HPS5: variants seen among roughly 807,000 people sequenced by gnomAD.
HPS5 encodes BLOC-2 complex member HPS5.
HPS5 carries 83 observed loss-of-function variants against 128.0 expected under a neutral mutation model. That is an observed-to-expected ratio of 0.65 (90% CI 0.54 to 0.78). The LOEUF is 0.78. Among genes scored for constraint, HPS5 ranks in the 30% least tolerant of loss-of-function variants. The probability of loss-of-function intolerance (pLI) is 0.00; values close to 1 mark genes in which losing one functional copy is unlikely to be tolerated. For synonymous variants in HPS5, 475 were observed against 470.2 expected, an observed-to-expected ratio of 1.01 and a Z score of -0.13; for missense variants, 1,281 against 1,326.2, an observed-to-expected ratio of 0.97 and a Z score of 0.53.
intron 2 of HPS5, chr11:18,314,566 C>A (rs1863395654): frequency 6.7e-6 from 1 of 148,878 alleles, no homozygotes; most frequent in African/African-American, 2.5e-5. Context: ...AATAAATAAT[C>A]CACTTGTAAC....
At chr11:18,297,067 A>G in intron 11 of HPS5, 83 bp from the exon 12 acceptor site, 1 of 875,004 alleles carries the variant, frequency 1.1e-6, no homozygotes, top group Non-Finnish European at 1.8e-6. Flanking sequence ...AGAAATACCA[A>G]CACTCAAATA....
intron 16 of HPS5, among the ~76,000 whole-genome samples, chr11:18,288,439 T>A (rs1213920878): frequency 2.0e-5 from 3 of 152,210 alleles, no homozygotes; most frequent in Admixed American, 1.3e-4. Context: ...TTAAATTCAA[T>A]GAAATTAATT....
intron 2 of HPS5, among the ~76,000 whole-genome samples, chr11:18,315,571 C>G (rs983497125): frequency 1.6e-4 from 25 of 151,704 alleles, no homozygotes; most frequent in African/African-American, 6.1e-4. Context: ...CAAGATCGTG[C>G]CACTGCACTC....
At chr11:18,317,672 C>T (rs1863806313) in intron 2 of HPS5, 79 bp downstream of exon 2, 5 of 1,374,482 alleles carry the variant, frequency 3.6e-6, no homozygotes, top group East Asian at 2.4e-5. Context: ...TTCCACAAAA[C>T]GTTAAGGAAC....
chr11:18,306,924 T>C (rs988743914), intron 6 of HPS5, among the ~76,000 whole-genome samples: 1 of 152,198 alleles, frequency 6.6e-6, no homozygotes, highest in Admixed American at 6.5e-5. Flanking sequence ...CGGAAGGTGA[T>C]AATGATGAGG....
chr11:18,296,140 G>GA lies in HPS5; in HGVS notation c.1511-19dup, dbSNP rs1298558353. The stretch of plus-strand genomic sequence containing the variant: ...AACATTGTCTAATGAATGGAATCAG[G>GA]AAAAAAAGAAACAAAATCTAATCAC... On this transcript the variant is annotated intron_variant, in intron 12 of 22. Coordinates refer to ENST00000349215, the MANE Select transcript of HPS5 (RefSeq NM_181507.2). 2.5e-6 allele frequency: 4 copies of GA among 1,609,240 alleles called. No individual in the cohort carries two copies. In the African/African-American group the frequency reaches 5.4e-5, roughly 22 times the overall value.
chr11:18,300,720 A>G, intron 9 of HPS5, 108 bp downstream of exon 9: 1 of 536,724 alleles, frequency 1.9e-6, no homozygotes, highest in South Asian at 2.0e-5. Flanking sequence ...AAAAAAAAAA[A>G]GTCATCCCAT....
At position 18,279,745 on chromosome 11, in the gene HPS5, C is replaced by T. The variant is rs934873764; in HGVS notation, c.*137G>A. On this transcript the variant is annotated 3_prime_UTR_variant, in exon 23 of 23. Coordinates refer to ENST00000349215, the MANE Select transcript of HPS5 (RefSeq NM_181507.2). ...GATGCCGATGCCAAGGGTACAGACA[C>T]TGACAAAAGTAGCCCCAATAAGATG... 22 of 807,990 alleles carry T rather than the reference C, an allele frequency of 2.7e-5. No homozygotes were observed. The highest frequency in any genetic ancestry group is 4.7e-5 in the Non-Finnish European group (22 of 470,428). The allele number at this position is 807,990 out of a possible 1,614,324, so 50.1% of individuals were successfully genotyped here. A position where few individuals can be genotyped will look rare whatever the true frequency, so the allele number is the denominator to read the frequency against.
At chr11:18,287,465 C>G in intron 18 of HPS5, 70 bp downstream of exon 18, 6 of 1,533,558 alleles carry the variant, frequency 3.9e-6, no homozygotes, top group Non-Finnish European at 4.5e-6. Flanking sequence ...CAATGTGACA[C>G]CTGCTTATAA....
At chr11:18,295,426 C>T (rs369603350) in intron 13 of HPS5, among the ~76,000 whole-genome samples, 5 of 152,230 alleles carry the variant, frequency 3.3e-5, no homozygotes, top group African/African-American at 9.6e-5. Context: ...TTAACTCCAG[C>T]TGTATCTGTA....
intron 8 of HPS5, 35 bp downstream of exon 8, chr11:18,305,387 T>A: frequency 7.3e-7 from 1 of 1,371,192 alleles, no homozygotes; most frequent in South Asian, 1.2e-5. Context: ...AAGTATTCTT[T>A]TTCCCCCCCA....
At chr11:18,312,602 AAT>A (rs1218992115) in intron 2 of HPS5, among the ~76,000 whole-genome samples, 27 of 152,190 alleles carry the variant, frequency 1.8e-4, no homozygotes, top group Non-Finnish European at 1.9e-4. Flanking sequence ...GGAAAACCTA[AAT>A]ATTCACCTTC....
chr11:18,282,954 G>T (rs1026945984), intron 21 of HPS5, among the ~76,000 whole-genome samples: 4 of 152,152 alleles, frequency 2.6e-5, no homozygotes, highest in African/African-American at 9.7e-5. Context: ...AAGGAAACAT[G>T]GAAGACAATG....
chr11:18,320,933 C>A (rs775433332), intron 1 of HPS5, among the ~76,000 whole-genome samples: 8 of 152,174 alleles, frequency 5.3e-5, no homozygotes, highest in Non-Finnish European at 1.2e-4. Context: ...TAAATAAAAT[C>A]TTCTTAGCCA....
chr11:18,301,995 T>G (rs911807845), intron 8 of HPS5, among the ~76,000 whole-genome samples: 9 of 152,018 alleles, frequency 5.9e-5, no homozygotes, highest in Non-Finnish European at 2.9e-5. Context: ...ATCCTAACTA[T>G]TCCACTTAAC....
intron 5 of HPS5, 21 bp from the exon 6 acceptor site, chr11:18,309,100 A>C (rs1213731282): frequency 1.2e-6 from 2 of 1,611,182 alleles, no homozygotes; most frequent in Non-Finnish European, 1.7e-6. Context: ...TGTGAGAAAG[A>C]AATAAAGTTT....
At chr11:18,304,462 C>T (rs764167387) in intron 8 of HPS5, among the ~76,000 whole-genome samples, 17 of 152,032 alleles carry the variant, frequency 1.1e-4, no homozygotes, top group Admixed American at 8.5e-4. Context: ...AAGATCTGTC[C>T]GCCTCGGTCT....
chr11:18,288,000 G>A lies in HPS5; in HGVS notation c.2454C>T (p.Ser818=), dbSNP rs1187921826. 3 of 1,613,760 alleles carry A rather than the reference G, an allele frequency of 1.9e-6. No individual in the cohort carries two copies. The highest frequency in any genetic ancestry group is 2.5e-6 in the Non-Finnish European group (3 of 1,179,854). ...FIEGLKEMAS[S]NPVYMEMEKG... is the part of the protein sequence containing the mutation. Reference sequence around the variant, plus strand: ...TTTCCATCTCCATATACACAGGATTGGAACTTGCCATTTCTGAAATATAAA... The same window carrying A: ...TTTCCATCTCCATATACACAGGATTAGAACTTGCCATTTCTGAAATATAAA... Residue 818 remains serine, a synonymous_variant, in exon 17 of 23, where the codon TCC becomes TCT. Coordinates refer to ENST00000349215, the MANE Select transcript of HPS5 (RefSeq NM_181507.2).
chr11:18,285,971 C>T (rs1859661143), intron 19 of HPS5, among the ~76,000 whole-genome samples: 1 of 152,242 alleles, frequency 6.6e-6, no homozygotes, highest in Non-Finnish European at 1.5e-5. Flanking sequence ...TTTATCCTCT[C>T]ACAGGCTTAA....
Sources: allele counts gnomAD v4.1 joint callset (sites outside exome capture counted in the v4.1 genomes callset), GRCh38; gene constraint gnomAD v4.1.1; transcripts MANE v1.5; gene names NCBI Gene and HGNC (gene_info 2026-07-23, HGNC 2026-07-21).